SOX6: variants seen among roughly 807,000 people sequenced by gnomAD.
SOX6 encodes the protein transcription factor SOX-6.
SOX6 carries 11 observed loss-of-function variants against 97.8 expected under a neutral mutation model. The observed-to-expected ratio is 0.11, with a 90% confidence interval of 0.07 to 0.19. The LOEUF is 0.19. SOX6 is among the 10% of genes least tolerant of loss of function. The pLI is 1.00. For synonymous variants in SOX6, 360 were observed against 371.4 expected, an observed-to-expected ratio of 0.97 and a Z score of 0.35; for missense variants, 810 against 1,039.5, an observed-to-expected ratio of 0.78 and a Z score of 3.04.
At chr11:16,206,657 A>G (rs1309916229) in intron 4 of SOX6, among the ~76,000 whole-genome samples, 2 of 152,236 alleles carry the variant, frequency 1.3e-5, no homozygotes, top group Non-Finnish European at 2.9e-5. Context: ...TTGCCTTCAC[A>G]TAGTGAGCAC....
At chr11:16,190,744 T>C (rs1170137946) in intron 4 of SOX6, among the ~76,000 whole-genome samples, 3 of 152,130 alleles carry the variant, frequency 2.0e-5, no homozygotes, top group Admixed American at 6.5e-5. Flanking sequence ...AAAAACACCA[T>C]ACAATAGCTT....
At chr11:16,068,142 A>G (rs1477007826) in intron 9 of SOX6, among the ~76,000 whole-genome samples, 1 of 152,146 alleles carries the variant, frequency 6.6e-6, no homozygotes, top group Non-Finnish European at 1.5e-5. Context: ...AGATGTCATC[A>G]TTTATTTGAT....
intron 4 of SOX6, among the ~76,000 whole-genome samples, chr11:16,560,471 G>A (rs1019096644): frequency 6.7e-6 from 1 of 148,802 alleles, no homozygotes; most frequent in African/African-American, 2.5e-5. Context: ...ATGTTTATAC[G>A]TACATATATG....
intron 4 of SOX6, among the ~76,000 whole-genome samples, chr11:16,499,076 A>T (rs953902360): frequency 2.0e-5 from 3 of 152,252 alleles, no homozygotes; most frequent in African/African-American, 7.2e-5. Context: ...CTCCGCAGCA[A>T]ATGTAAAAGA....
At chr11:16,142,725 T>A (rs1850178191) in intron 6 of SOX6, among the ~76,000 whole-genome samples, 2 of 152,078 alleles carry the variant, frequency 1.3e-5, no homozygotes, top group South Asian at 4.2e-4. Context: ...AGTAGCCAAT[T>A]CGATCAACGG....
intron 9 of SOX6, among the ~76,000 whole-genome samples, chr11:16,077,084 A>G (rs1181352477): frequency 2.0e-5 from 3 of 152,080 alleles, no homozygotes; most frequent in Non-Finnish European, 2.9e-5. Flanking sequence ...ACCAGATCTC[A>G]TGAGAACTCA....
chr11:16,709,130 G>A (rs1006448787), intron 3 of SOX6, among the ~76,000 whole-genome samples: 8 of 152,300 alleles, frequency 5.3e-5, no homozygotes, highest in South Asian at 2.1e-4. Flanking sequence ...GGGGCCTGGT[G>A]GGAGGTGATT....
intron 4 of SOX6, among the ~76,000 whole-genome samples, chr11:16,538,849 G>C (rs1052000599): frequency 6.6e-6 from 1 of 152,122 alleles, no homozygotes; most frequent in African/African-American, 2.4e-5. Context: ...CCTACAAAGA[G>C]ACTCAGACTC....
intron 3 of SOX6, among the ~76,000 whole-genome samples, chr11:16,655,154 G>A (rs1847705152): frequency 6.6e-6 from 1 of 152,192 alleles, no homozygotes; most frequent in Non-Finnish European, 1.5e-5. Context: ...ATTGACGCTG[G>A]GATTCTAGGA....
intron 3 of SOX6, among the ~76,000 whole-genome samples, chr11:16,644,247 C>A (rs921285593): frequency 1.8e-4 from 28 of 152,146 alleles, no homozygotes; most frequent in African/African-American, 5.8e-4. Flanking sequence ...ACCTTGTTGC[C>A]CATGCTGGTC....
intron 4 of SOX6, chr11:16,484,705 C>T (rs961315657): frequency 1.2e-5 from 7 of 578,418 alleles, no homozygotes; most frequent in Admixed American, 5.7e-5. Context: ...CACCCAGAAC[C>T]GTGCCTAGTT....
chr11:16,125,276 T>G (rs1482389031), intron 6 of SOX6, among the ~76,000 whole-genome samples: 1 of 151,996 alleles, frequency 6.6e-6, no homozygotes, highest in Non-Finnish European at 1.5e-5. Context: ...GAAATTTCAA[T>G]GAAATTTTAG....
intron 3 of SOX6, among the ~76,000 whole-genome samples, chr11:16,254,917 A>T (rs1853639150): frequency 1.3e-5 from 2 of 152,086 alleles, no homozygotes. Context: ...ATAGATTAAA[A>T]TAAGAGATGG....
At chr11:16,497,894 C>T (rs1860632050) in intron 4 of SOX6, among the ~76,000 whole-genome samples, 2 of 152,226 alleles carry the variant, frequency 1.3e-5, no homozygotes, top group South Asian at 4.1e-4. Context: ...AAACACTCTG[C>T]AGGATATTAT....
chr11:16,108,793 G>A (rs1809447262), intron 7 of SOX6, among the ~76,000 whole-genome samples: 1 of 152,206 alleles, frequency 6.6e-6, no homozygotes, highest in South Asian at 2.1e-4. Context: ...ACTACACGCT[G>A]GGACTCTGAA....
chr11:16,725,147 A>T (rs1168936770), intron 2 of SOX6, among the ~76,000 whole-genome samples: 1 of 152,258 alleles, frequency 6.6e-6, no homozygotes, highest in Admixed American at 6.5e-5. Flanking sequence ...AACAAAATAC[A>T]GTATATCCAT....
At chr11:16,651,230 C>CA (rs1012348250) in intron 3 of SOX6, among the ~76,000 whole-genome samples, 2 of 151,724 alleles carry the variant, frequency 1.3e-5, no homozygotes, top group Non-Finnish European at 2.9e-5. Context: ...AAACTATTCC[C>CA]AAAAAAATAC....
chr11:16,571,155 C>T (rs72859461), intron 4 of SOX6, among the ~76,000 whole-genome samples: 17,254 of 151,924 alleles, frequency 0.11, 1,025 homozygotes, highest in Non-Finnish European at 0.14. Flanking sequence ...TTTTGTCATG[C>T]CAAAAATAAA....
intron 4 of SOX6, among the ~76,000 whole-genome samples, chr11:16,583,633 A>ATATATATG: frequency 1.4e-5 from 2 of 141,444 alleles, no homozygotes; most frequent in South Asian, 4.4e-4. Flanking sequence ...ATATATATAT[A>ATATATATG]TATACACATA....
Sources: allele counts gnomAD v4.1 joint callset (sites outside exome capture counted in the v4.1 genomes callset), GRCh38; gene constraint gnomAD v4.1.1; transcripts MANE v1.5; gene names NCBI Gene and HGNC (gene_info 2026-07-23, HGNC 2026-07-21).